EPC2: variants seen among roughly 807,000 people sequenced by gnomAD.
EPC2 encodes enhancer of polycomb 2, also known as enhancer of polycomb homolog 2.
Under a neutral mutation model 92.1 loss-of-function variants are expected in EPC2, and 14 were observed. That is an observed-to-expected ratio of 0.15 (90% CI 0.10 to 0.24). EPC2 has a LOEUF of 0.24. Among genes scored for constraint, EPC2 ranks in the 10% least tolerant of loss-of-function variants. The pLI is 1.00. For synonymous variants in EPC2, 340 were observed against 334.7 expected, an observed-to-expected ratio of 1.02 and a Z score of -0.17; for missense variants, 755 against 971.5, an observed-to-expected ratio of 0.78 and a Z score of 2.96.
chr2:148,718,551 G>A (rs755553876), intron 2 of EPC2, among the ~76,000 whole-genome samples: 4 of 152,174 alleles, frequency 2.6e-5, no homozygotes, highest in Admixed American at 2.6e-4. Flanking sequence ...CTTTAAGAAT[G>A]TTGAATATTG....
intron 2 of EPC2, among the ~76,000 whole-genome samples, chr2:148,707,986 ATAACT>A (rs564003716): frequency 0.01 from 1,531 of 152,326 alleles, 25 homozygotes; most frequent in African/African-American, 0.034. Context: ...AAGGCAAGAA[ATAACT>A]TAAGATCAGA....
rs1420117981 is a variant in EPC2, at chr2:148,753,680, G to T, written c.460-247G>T. ...TATTATAGTCTTCCCAAATATCATT[G>T]ATCCAGCCTTCTTAAATATTATCAG... On this transcript the variant is annotated intron_variant, in intron 3 of 13. Coordinates refer to ENST00000258484, the MANE Select transcript of EPC2 (RefSeq NM_015630.4). Among the ~76,000 whole-genome samples the T allele has an allele frequency of 3.9e-5, 6 of 152,036 alleles. No individual in the cohort carries two copies. The South Asian group carries it at 1.0e-3, about 26-fold the overall frequency.
At chr2:148,739,679 A>G (rs1342820886) in intron 2 of EPC2, among the ~76,000 whole-genome samples, 5 of 152,062 alleles carry the variant, frequency 3.3e-5, no homozygotes, top group African/African-American at 7.2e-5. Context: ...AGAGCAACCA[A>G]ATTTTCCTGA....
chr2:148,658,351 T>TA (rs1680849787), intron 1 of EPC2, among the ~76,000 whole-genome samples: 1 of 151,948 alleles, frequency 6.6e-6, no homozygotes, highest in African/African-American at 2.4e-5. Context: ...ACAAAAGGCA[T>TA]AAAAATGTGA....
chr2:148,769,388 T>C (rs959259181), intron 8 of EPC2, 148 bp downstream of exon 8: 2 of 621,730 alleles, frequency 3.2e-6, no homozygotes, highest in Non-Finnish European at 5.8e-6. Context: ...TAAAAGATGC[T>C]AAAAGGTACT....
chr2:148,683,554 C>T (rs1229298062), intron 1 of EPC2, among the ~76,000 whole-genome samples: 1 of 152,154 alleles, frequency 6.6e-6, no homozygotes, highest in Non-Finnish European at 1.5e-5. Flanking sequence ...CTGTGAGCCA[C>T]CACACCTGGC....
At chr2:148,683,079 T>A (rs575142127) in intron 1 of EPC2, among the ~76,000 whole-genome samples, 28 of 144,812 alleles carry the variant, frequency 1.9e-4, no homozygotes, top group Admixed American at 1.2e-3. Flanking sequence ...GGATCTTAAA[T>A]TTTTTTTTTT....
At chr2:148,743,595 T>C in intron 2 of EPC2, 27 bp from the exon 3 acceptor site, 1 of 1,499,346 alleles carries the variant, frequency 6.7e-7, no homozygotes, top group Non-Finnish European at 8.9e-7. Context: ...TTCTCCTGAG[T>C]TTGAAGAATT....
intron 1 of EPC2, among the ~76,000 whole-genome samples, chr2:148,672,019 G>A (rs1271784471): frequency 6.6e-6 from 1 of 152,158 alleles, no homozygotes; most frequent in African/African-American, 2.4e-5. Context: ...GTTTGAGAAG[G>A]ATTTGTGTCC....
intron 1 of EPC2, among the ~76,000 whole-genome samples, chr2:148,648,906 A>G (rs746282364): frequency 2.6e-5 from 4 of 152,010 alleles, no homozygotes; most frequent in Non-Finnish European, 5.9e-5. Flanking sequence ...CCCTATCCTT[A>G]TTATCATTGT....
intron 1 of EPC2, among the ~76,000 whole-genome samples, chr2:148,683,885 G>A (rs995136364): frequency 9.2e-5 from 14 of 152,148 alleles, no homozygotes; most frequent in African/African-American, 2.9e-4. Context: ...GTAGTTACCC[G>A]GTAGTGGGAT....
intron 1 of EPC2, among the ~76,000 whole-genome samples, chr2:148,660,573 GTTT>G (rs946123889): frequency 2.1e-5 from 3 of 143,584 alleles, no homozygotes; most frequent in African/African-American, 7.6e-5. Flanking sequence ...ATCAGTCAGA[GTTT>G]TTTTTTTTTT....
Position 148,745,421 on chromosome 2 carries a change from G to A in EPC2, c.459+1654G>A, listed in dbSNP as rs201216221. On this transcript the variant is annotated intron_variant, in intron 3 of 13. Coordinates refer to ENST00000258484, the MANE Select transcript of EPC2 (RefSeq NM_015630.4). The stretch of plus-strand genomic sequence containing the variant: ...CAGGTGGACAAGGCAGGTGATAGCA[G>A]TGAGTAAGACAGATGACAAAAATTC... Among the ~76,000 whole-genome samples, 39 of 152,244 alleles carry A rather than the reference G, an allele frequency of 2.6e-4. No individual in the cohort carries two copies. In the East Asian group the frequency reaches 6.8e-3, roughly 26 times the overall value.
intron 10 of EPC2, among the ~76,000 whole-genome samples, chr2:148,779,757 A>G (rs537837206): frequency 2.6e-5 from 4 of 152,320 alleles, no homozygotes; most frequent in African/African-American, 4.8e-5. Flanking sequence ...TCCTCACTTA[A>G]TGTTAATCAC....
At chr2:148,773,936 A>C (rs2105433755) in intron 10 of EPC2, among the ~76,000 whole-genome samples, 1 of 152,222 alleles carries the variant, frequency 6.6e-6, no homozygotes, top group Admixed American at 6.5e-5. Flanking sequence ...TGGTTTTTCT[A>C]ATCCATGCGT....
chr2:148,692,282 A>G (rs116345880), intron 2 of EPC2: 4,079 of 160,626 alleles, frequency 0.025, 59 homozygotes, highest in East Asian at 0.031. Flanking sequence ...TCTTTTACAT[A>G]CTTCTGTTAG....
At chr2:148,729,087 A>G (rs964151883) in intron 2 of EPC2, among the ~76,000 whole-genome samples, 2 of 150,616 alleles carry the variant, frequency 1.3e-5, no homozygotes, top group African/African-American at 4.9e-5. Flanking sequence ...TTTTTGTTAC[A>G]TATTATAAAT....
intron 1 of EPC2, among the ~76,000 whole-genome samples, chr2:148,645,910 C>T (rs1292367031): frequency 1.3e-5 from 2 of 152,366 alleles, no homozygotes; most frequent in South Asian, 2.1e-4. Flanking sequence ...GTTGCGTTGT[C>T]CTCGAGAATT....
At chr2:148,676,032 A>G (rs908445471) in intron 1 of EPC2, among the ~76,000 whole-genome samples, 5 of 152,274 alleles carry the variant, frequency 3.3e-5, no homozygotes, top group Non-Finnish European at 7.4e-5. Flanking sequence ...ACCTTAGTTC[A>G]TTCGTCCCCA....
Sources: gnomAD v4.1 joint callset for allele counts (sites outside exome capture counted in the v4.1 genomes callset) on GRCh38, gnomAD v4.1.1 for gene constraint, MANE v1.5 for transcripts, NCBI Gene and HGNC (gene_info 2026-07-23, HGNC 2026-07-21) for gene names.